Variants in FLT3 observed in about 807,000 individuals in gnomAD.
The protein encoded by FLT3 is receptor-type tyrosine-protein kinase FLT3.
Under a neutral mutation model 126.6 loss-of-function variants are expected in FLT3, and 46 were observed. That is an observed-to-expected ratio of 0.36 (90% CI 0.29 to 0.46). The LOEUF is 0.46. FLT3 is among the 20% of genes least tolerant of loss of function. The pLI, the probability that FLT3 is intolerant of heterozygous loss-of-function variation, is 1.00. For synonymous variants in FLT3, 404 were observed against 434.4 expected, an observed-to-expected ratio of 0.93 and a Z score of 0.87; for missense variants, 1,069 against 1,190.3, an observed-to-expected ratio of 0.90 and a Z score of 1.50.
In FLT3 at chr13:28,021,637, G is replaced by A. The variant is rs183491006; in HGVS notation, c.2418+1713C>T. On this transcript the variant is annotated intron_variant, in intron 19 of 23. Coordinates refer to ENST00000241453, the MANE Select transcript of FLT3 (RefSeq NM_004119.3). ...TTTTGAATAGACAGACTGGAGGGCA[G>A]TGCTATAGTCATAGCTCATTGCAGC... Among the ~76,000 whole-genome samples the A allele has an allele frequency of 5.5e-3, 834 of 152,264 alleles. 4 individuals carry two copies. The highest frequency in any genetic ancestry group is 8.5e-3 in the Non-Finnish European group (581 of 68,024).
At chr13:28,021,225 C>A (rs1032784323) in intron 19 of FLT3, among the ~76,000 whole-genome samples, 3 of 152,072 alleles carry the variant, frequency 2.0e-5, no homozygotes, top group South Asian at 2.1e-4. Context: ...CTTATCCCTA[C>A]AAAAATACAA....
At chr13:28,035,389 G>T in intron 12 of FLT3, 106 bp downstream of exon 12, 1 of 1,043,074 alleles carries the variant, frequency 9.6e-7, no homozygotes, top group Non-Finnish European at 1.4e-6. Context: ...CTCACACACT[G>T]ACCCTATACT....
At chr13:28,044,848 C>G (rs1237444131) in intron 9 of FLT3, among the ~76,000 whole-genome samples, 1 of 152,198 alleles carries the variant, frequency 6.6e-6, no homozygotes, top group African/African-American at 2.4e-5. Flanking sequence ...ATCTTTGGCC[C>G]AGACTGCACT....
At chr13:28,025,244 A>C in intron 17 of FLT3, 1 of 425,102 alleles carries the variant, frequency 2.4e-6, no homozygotes. Context: ...GAAATTAGGC[A>C]CAGTGAGATA....
At chr13:28,015,522 G>T in intron 21 of FLT3, 68 bp downstream of exon 21, 1 of 824,470 alleles carries the variant, frequency 1.2e-6, no homozygotes, top group South Asian at 1.4e-5. Context: ...GGGAGGGGTG[G>T]GGCGGCACCG....
chr13:28,047,959 C>G (rs1355972501), intron 9 of FLT3, among the ~76,000 whole-genome samples: 1 of 152,010 alleles, frequency 6.6e-6, no homozygotes, highest in Non-Finnish European at 1.5e-5. Context: ...ACTCAGTGTC[C>G]TACACACCGC....
chr13:28,004,227 T>C (rs753185298), intron 23 of FLT3, 53 bp from the exon 24 acceptor site: 3 of 1,567,664 alleles, frequency 1.9e-6, no homozygotes, highest in Non-Finnish European at 2.6e-6. Context: ...TAGATGCACA[T>C]GTTATGCGCC....
chr13:28,017,670 T>G (rs890923121), intron 20 of FLT3, among the ~76,000 whole-genome samples: 8 of 150,688 alleles, frequency 5.3e-5, no homozygotes, highest in African/African-American at 1.2e-4. Context: ...TTGTTGTTTT[T>G]TTTTTTTTTT....
At chr13:28,022,925 G>T (rs1403688440) in intron 19 of FLT3, among the ~76,000 whole-genome samples, 1 of 152,248 alleles carries the variant, frequency 6.6e-6, no homozygotes. Context: ...AGCACGCAGG[G>T]TGAGAATTAG....
chr13:28,024,609 G>T (rs907287432), intron 18 of FLT3, among the ~76,000 whole-genome samples: 2 of 152,178 alleles, frequency 1.3e-5, no homozygotes, highest in African/African-American at 4.8e-5. Context: ...TCTTCCACTT[G>T]TCAGGTAATA....
chr13:28,061,571 G>A (rs1325820948), intron 3 of FLT3, among the ~76,000 whole-genome samples: 3 of 152,036 alleles, frequency 2.0e-5, no homozygotes, highest in African/African-American at 7.2e-5. Flanking sequence ...CTCAAGACCA[G>A]CCTTGGCAAC....
In FLT3 at chr13:28,033,901, A is replaced by T. The variant is rs1276477642; in HGVS notation, c.1928T>A (p.Val643Asp). ...CTATACTGTACCTTTCAGCATTTTGACGGCAACCTGGATTGAGACTCCTGT... is the reference window on the plus strand; with the variant it reads ...CTATACTGTACCTTTCAGCATTTTGTCGGCAACCTGGATTGAGACTCCTGT... The part of the protein sequence containing the change: ...SKTGVSIQVA[V>D]KMLKEKADSS... Residue 643 changes from valine (V) to aspartate (D), a missense_variant, in exon 15 of 24, where the codon GTC becomes GAC. Coordinates refer to ENST00000241453, the MANE Select transcript of FLT3 (RefSeq NM_004119.3). 6.2e-7 allele frequency: 1 copy of T among 1,613,926 alleles called. No homozygotes were observed. The highest frequency in any genetic ancestry group is 8.5e-7 in the Non-Finnish European group (1 of 1,179,820).
At chr13:28,089,253 G>A (rs1039714504) in intron 1 of FLT3, among the ~76,000 whole-genome samples, 2 of 152,186 alleles carry the variant, frequency 1.3e-5, no homozygotes, top group African/African-American at 4.8e-5. Context: ...CATTGTTGGG[G>A]AAAATGACAA....
At position 28,016,728 on chromosome 13, in the gene FLT3, T is replaced by C. The variant is rs1184231609; in HGVS notation, c.2542-1027A>G. 2.6e-5 allele frequency among the ~76,000 whole-genome samples: 4 copies of C among 152,310 alleles called. No homozygotes were observed. The East Asian group carries it at 5.8e-4, about 22-fold the overall frequency. On this transcript the variant is annotated intron_variant, in intron 20 of 23. Coordinates refer to ENST00000241453, the MANE Select transcript of FLT3 (RefSeq NM_004119.3). ...GGTTAATTTGATTAATTAAAGAAAT[T>C]AATTGTGGTTCCAAATGGAATTCAC...
chr13:28,055,097 G>T (rs1014178810), intron 4 of FLT3, among the ~76,000 whole-genome samples: 5 of 151,930 alleles, frequency 3.3e-5, no homozygotes. Flanking sequence ...TCTAACAATT[G>T]GTTCTTATCA....
intron 2 of FLT3, chr13:28,067,665 A>G (rs1162670636): frequency 6.5e-6 from 1 of 153,262 alleles, no homozygotes; most frequent in African/African-American, 2.4e-5. Flanking sequence ...TCTTATAACA[A>G]GTATAGCTAA....
chr13:28,092,408 C>T (rs1879172453), intron 1 of FLT3, among the ~76,000 whole-genome samples: 1 of 151,990 alleles, frequency 6.6e-6, no homozygotes, highest in Non-Finnish European at 1.5e-5. Context: ...GCTCTACCAC[C>T]CAGGCTGGAG....
chr13:28,082,781 G>A (rs546178581), intron 1 of FLT3, among the ~76,000 whole-genome samples: 1 of 152,178 alleles, frequency 6.6e-6, no homozygotes, highest in African/African-American at 2.4e-5. Context: ...TCAGCTCACT[G>A]CAAGCTTTGC....
chr13:28,020,431 C>A (rs1173566752), intron 19 of FLT3, among the ~76,000 whole-genome samples: 2 of 152,200 alleles, frequency 1.3e-5, no homozygotes, highest in African/African-American at 4.8e-5. Flanking sequence ...TCACTGCAAC[C>A]TCTGCCTCCC....
Sources: gnomAD v4.1 joint callset for allele counts (sites outside exome capture counted in the v4.1 genomes callset) on GRCh38, gnomAD v4.1.1 for gene constraint, MANE v1.5 for transcripts, NCBI Gene and HGNC (gene_info 2026-07-23, HGNC 2026-07-21) for gene names.